The following PTPRD variants were observed in gnomAD, a reference collection of about 807,000 sequenced individuals.
The protein encoded by PTPRD is protein tyrosine phosphatase receptor type D, also known as receptor-type tyrosine-protein phosphatase delta.
Under a neutral mutation model 214.5 loss-of-function variants are expected in PTPRD, and 34 were observed. The observed-to-expected ratio is 0.16, with a 90% CI of 0.12 to 0.21. PTPRD has a LOEUF of 0.21. PTPRD is among the 10% of genes least tolerant of loss of function. The probability of loss-of-function intolerance (pLI) is 1.00; values close to 1 mark genes in which losing one functional copy is unlikely to be tolerated. For synonymous variants in PTPRD, 1,128 were observed against 845.7 expected (o/e 1.33, Z -5.79); for missense variants, 2,545 against 2,398.7 (o/e 1.06, Z -1.27).
At chr9:8,928,016 G>A (rs958285935) in intron 11 of PTPRD, among the ~76,000 whole-genome samples, 2 of 152,098 alleles carry the variant, frequency 1.3e-5, no homozygotes, top group Admixed American at 6.6e-5. Context: ...TTTGAGGAGC[G>A]TCTGTTCATA....
At chr9:9,904,991 A>T (rs754237427) in intron 5 of PTPRD, among the ~76,000 whole-genome samples, 2 of 152,022 alleles carry the variant, frequency 1.3e-5, no homozygotes, top group East Asian at 3.9e-4. Flanking sequence ...TGCTTAAATC[A>T]TCTTCCTAAA....
At chr9:9,336,462 G>C (rs889856570) in intron 9 of PTPRD, among the ~76,000 whole-genome samples, 2 of 152,144 alleles carry the variant, frequency 1.3e-5, no homozygotes, top group African/African-American at 4.8e-5. Context: ...ACCAGGTGAT[G>C]ATGGTGGACA....
chr9:8,647,287 C>T (rs908749613), intron 12 of PTPRD, among the ~76,000 whole-genome samples: 23 of 152,146 alleles, frequency 1.5e-4, no homozygotes, highest in South Asian at 6.2e-4. Flanking sequence ...TCTAATTGTA[C>T]GTATTTATTA....
intron 3 of PTPRD, among the ~76,000 whole-genome samples, chr9:10,228,824 A>G (rs2099598084): frequency 6.6e-6 from 1 of 151,148 alleles, no homozygotes; most frequent in South Asian, 2.1e-4. Flanking sequence ...ATATAGATAT[A>G]AAAGTTTATC....
At chr9:8,768,354 C>T (rs531489369) in intron 11 of PTPRD, among the ~76,000 whole-genome samples, 1 of 152,132 alleles carries the variant, frequency 6.6e-6, no homozygotes, top group South Asian at 2.1e-4. Flanking sequence ...AGTTCAGGAC[C>T]AGTCTGAGCA....
At chr9:10,599,091 C>T (rs543997818) in intron 2 of PTPRD, among the ~76,000 whole-genome samples, 5 of 151,616 alleles carry the variant, frequency 3.3e-5, no homozygotes, top group South Asian at 2.1e-4. Flanking sequence ...TTGCTTTGTG[C>T]GGCGAAATTG....
At chr9:8,512,444 A>G (rs1212518584) in intron 21 of PTPRD, among the ~76,000 whole-genome samples, 1 of 152,060 alleles carries the variant, frequency 6.6e-6, no homozygotes, top group Non-Finnish European at 1.5e-5. Context: ...TTGGACTCAT[A>G]ACTTTGGTTA....
chr9:9,915,433 C>A (rs767089904), intron 5 of PTPRD, among the ~76,000 whole-genome samples: 7 of 150,780 alleles, frequency 4.6e-5, no homozygotes, highest in Non-Finnish European at 8.9e-5. Context: ...AATAATAAAT[C>A]TTAAGGAAAC....
At chr9:8,602,859 T>G (rs1208025081) in intron 14 of PTPRD, among the ~76,000 whole-genome samples, 1 of 152,224 alleles carries the variant, frequency 6.6e-6, no homozygotes, top group Admixed American at 6.5e-5. Flanking sequence ...TAATTCCATC[T>G]CCATCTCTAT....
intron 11 of PTPRD, among the ~76,000 whole-genome samples, chr9:8,776,807 T>C (rs1400850591): frequency 6.8e-6 from 1 of 147,506 alleles, no homozygotes; most frequent in Non-Finnish European, 1.5e-5. Flanking sequence ...ATATATTATA[T>C]ATGTATAATA....
chr9:10,387,750 G>T (rs1458311862), intron 2 of PTPRD, among the ~76,000 whole-genome samples: 10 of 142,396 alleles, frequency 7.0e-5, no homozygotes, highest in African/African-American at 2.6e-4. Context: ...GACCATTTCT[G>T]TCATTTACAG....
At chr9:10,505,169 C>T (rs991778148) in intron 2 of PTPRD, among the ~76,000 whole-genome samples, 2 of 152,120 alleles carry the variant, frequency 1.3e-5, no homozygotes, top group South Asian at 2.1e-4. Context: ...ATGTCCTCCA[C>T]GCTGTGATTT....
chr9:9,468,192 T>A (rs1252164615), intron 8 of PTPRD, among the ~76,000 whole-genome samples: 1 of 152,024 alleles, frequency 6.6e-6, no homozygotes, highest in African/African-American at 2.4e-5. Context: ...ATTGATTCAG[T>A]TTTTTTATCG....
At chr9:8,542,444 T>C (rs541319720) in intron 14 of PTPRD, among the ~76,000 whole-genome samples, 3 of 152,324 alleles carry the variant, frequency 2.0e-5, no homozygotes, top group Non-Finnish European at 2.9e-5. Flanking sequence ...ATAATTTGAA[T>C]GTCAATTTTA....
chr9:9,938,266 G>T (rs2090264120), intron 5 of PTPRD, among the ~76,000 whole-genome samples: 1 of 152,150 alleles, frequency 6.6e-6, no homozygotes, highest in African/African-American at 2.4e-5. Flanking sequence ...AGTTCAGAAA[G>T]AAATCCATTC....
intron 8 of PTPRD, among the ~76,000 whole-genome samples, chr9:9,529,340 A>G (rs1372432246): frequency 2.0e-5 from 3 of 152,118 alleles, no homozygotes; most frequent in Non-Finnish European, 4.4e-5. Flanking sequence ...TAGTAACAAA[A>G]TAAAAGGCAA....
At chr9:9,768,630 A>G (rs1597271716) in intron 5 of PTPRD, among the ~76,000 whole-genome samples, 1 of 152,304 alleles carries the variant, frequency 6.6e-6, no homozygotes, top group East Asian at 1.9e-4. Flanking sequence ...AATAGCTATA[A>G]TTTTATGTTC....
intron 10 of PTPRD, among the ~76,000 whole-genome samples, chr9:9,148,559 A>G (rs927373733): frequency 1.3e-5 from 2 of 152,160 alleles, no homozygotes; most frequent in Non-Finnish European, 2.9e-5. Context: ...TGCATCTACT[A>G]TTGAAGATGA....
intron 11 of PTPRD, among the ~76,000 whole-genome samples, chr9:8,790,041 G>A (rs1032129265): frequency 6.6e-6 from 1 of 151,922 alleles, no homozygotes; most frequent in Admixed American, 6.5e-5. Flanking sequence ...TTTTGAGACA[G>A]GGTTTCACTG....
Sources: allele counts gnomAD v4.1 joint callset (sites outside exome capture counted in the v4.1 genomes callset), GRCh38; gene constraint gnomAD v4.1.1; transcripts MANE v1.5; gene names NCBI Gene and HGNC (gene_info 2026-07-23, HGNC 2026-07-21).